Variants in PUM2 observed in about 807,000 individuals in gnomAD.
PUM2 encodes pumilio homolog 2.
A neutral mutation model predicts 124.5 loss-of-function variants in PUM2; 57 were observed. That is an observed-to-expected ratio of 0.46 (90% CI 0.37 to 0.57). The LOEUF (loss-of-function observed/expected upper bound fraction) is 0.57. Ranked by LOEUF, PUM2 falls within the 20% of genes least tolerant of loss-of-function variation. The probability of loss-of-function intolerance (pLI) is 0.00; values close to 1 mark genes in which losing one functional copy is unlikely to be tolerated. For synonymous variants in PUM2, 460 were observed against 446.1 expected, an observed-to-expected ratio of 1.03 and a Z score of -0.39; for missense variants, 1,065 against 1,290.6, an observed-to-expected ratio of 0.83 and a Z score of 2.68.
In PUM2 at chr2:20,275,775, G is replaced by A. The variant is rs76014876; in HGVS notation, c.1957+2808C>T. Among the ~76,000 whole-genome samples, 413 of 151,910 alleles carry A rather than the reference G, an allele frequency of 2.7e-3. 2 individuals carry two copies. Among genetic ancestry groups the A allele is most frequent in the African/African-American group, 9.4e-3 (389 of 41,470 alleles). On this transcript the variant is annotated intron_variant, in intron 13 of 20. Transcript: ENST00000361078. Reference sequence around the variant, plus strand: ...ACTACTATGGGGAAGCAATCAGCAAGGTCAAGAGTGTGGGAAAATAAATAG... The same window carrying A: ...ACTACTATGGGGAAGCAATCAGCAAAGTCAAGAGTGTGGGAAAATAAATAG...
At chr2:20,309,277 A>C (rs780258306) in intron 5 of PUM2, among the ~76,000 whole-genome samples, 1 of 152,080 alleles carries the variant, frequency 6.6e-6, no homozygotes, top group Non-Finnish European at 1.5e-5. Context: ...ATAAGAACAA[A>C]AGCAACTATT....
chr2:20,277,482 T>C (rs1670524910), intron 13 of PUM2, among the ~76,000 whole-genome samples: 1 of 152,110 alleles, frequency 6.6e-6, no homozygotes, highest in South Asian at 2.1e-4. Context: ...GGCCCAGAAT[T>C]TGGGGTGGAA....
chr2:20,252,462 G>A (rs1663663227), intron 20 of PUM2, among the ~76,000 whole-genome samples: 2 of 152,142 alleles, frequency 1.3e-5, no homozygotes, highest in Admixed American at 1.3e-4. Flanking sequence ...TTAAAAATCA[G>A]AAGACCAAAA....
intron 16 of PUM2, among the ~76,000 whole-genome samples, chr2:20,257,528 TTTC>T (rs1665104212): frequency 6.6e-6 from 1 of 152,166 alleles, no homozygotes; most frequent in African/African-American, 2.4e-5. Context: ...GGGCTATAAA[TTTC>T]TTATTAAAAG....
intron 1 of PUM2, among the ~76,000 whole-genome samples, chr2:20,346,075 G>A (rs147961052): frequency 6.6e-6 from 1 of 152,218 alleles, no homozygotes; most frequent in African/African-American, 2.4e-5. Flanking sequence ...ATATTAAGAC[G>A]AGGGCACCTA....
intron 16 of PUM2, among the ~76,000 whole-genome samples, chr2:20,257,105 G>GTT (rs1019515859): frequency 1.2e-4 from 17 of 140,234 alleles, no homozygotes; most frequent in African/African-American, 4.2e-4. Context: ...TTCATTAACT[G>GTT]TTTCAACAAA....
chr2:20,351,385 T>A (rs1230155620), upstream of PUM2, among the ~76,000 whole-genome samples: 2 of 152,206 alleles, frequency 1.3e-5, no homozygotes, highest in African/African-American at 2.4e-5. Flanking sequence ...GATTGTACCC[T>A]GCGAGAGGGC....
chr2:20,301,281 T>C (rs1676909371), intron 7 of PUM2, among the ~76,000 whole-genome samples: 2 of 152,242 alleles, frequency 1.3e-5, no homozygotes, highest in South Asian at 4.1e-4. Context: ...ACTTCATCTA[T>C]CATGAATTAT....
At position 20,326,702 on chromosome 2, in the gene PUM2, T is replaced by C. The variant is rs1165699661; in HGVS notation, c.51+608A>G. Among the ~76,000 whole-genome samples, 6 of 152,148 alleles carry C rather than the reference T, an allele frequency of 3.9e-5. No individual in the cohort carries two copies. In the South Asian group the frequency reaches 1.0e-3, roughly 26 times the overall value. On this transcript the variant is annotated intron_variant, in intron 2 of 20. Transcript: ENST00000361078. ...AGATTAACGAGAATGATAAAATCCA[T>C]TAAGAAATGCGAAGTGCCTACTATG...
At chr2:20,339,752 C>T (rs12473500) in intron 1 of PUM2, among the ~76,000 whole-genome samples, 40,905 of 151,976 alleles carry the variant, frequency 0.27, 5,983 homozygotes, top group Middle Eastern at 0.34. Context: ...TGGGGGCACA[C>T]GCCTGTAATC....
At chr2:20,258,036 T>C (rs1183908020) in intron 16 of PUM2, among the ~76,000 whole-genome samples, 2 of 152,164 alleles carry the variant, frequency 1.3e-5, no homozygotes, top group South Asian at 2.1e-4. Context: ...GCTTGCCACA[T>C]AGGTGCTAAA....
At chr2:20,260,521 T>TAAAAA in intron 14 of PUM2, 55 bp from the exon 15 acceptor site, 2 of 1,477,934 alleles carry the variant, frequency 1.4e-6, no homozygotes, top group Non-Finnish European at 1.9e-6. Context: ...ACTTGAGTAT[T>TAAAAA]ACACCCTACC....
chr2:20,307,862 G>C, intron 7 of PUM2, 116 bp downstream of exon 7: 1 of 1,338,028 alleles, frequency 7.5e-7, no homozygotes. Context: ...CCTATTACTT[G>C]TTGATCTCAG....
chr2:20,341,022 T>G (rs1392834447), intron 1 of PUM2, among the ~76,000 whole-genome samples: 2 of 152,184 alleles, frequency 1.3e-5, no homozygotes, highest in Non-Finnish European at 2.9e-5. Flanking sequence ...TAAAAATCAA[T>G]ATAAAATTCT....
At chr2:20,254,581 G>A (rs1485934450) in intron 19 of PUM2, among the ~76,000 whole-genome samples, 2 of 152,178 alleles carry the variant, frequency 1.3e-5, no homozygotes, top group Non-Finnish European at 2.9e-5. Context: ...CATTAAAGCT[G>A]TGAGGTTTTC....
chr2:20,320,913 A>T (rs1343418274), intron 2 of PUM2, among the ~76,000 whole-genome samples: 1 of 152,212 alleles, frequency 6.6e-6, no homozygotes, highest in Non-Finnish European at 1.5e-5. Flanking sequence ...TTCCTTAAAG[A>T]ATAAAGCAAT....
Position 20,311,581 on chromosome 2 carries a change from C to T in PUM2, c.431G>A (p.Arg144Lys), listed in dbSNP as rs758302291. ...ATCATCATCTCCTTGTTTAAGATCTCTGTTTTGGTCCTCCTCAAATGGAGA... is the reference window on the plus strand; with the variant it reads ...ATCATCATCTCCTTGTTTAAGATCTTTGTTTTGGTCCTCCTCAAATGGAGA... ...KASPFEEDQNRDLKQGDDDDS... is the reference protein window; with the variant it reads ...KASPFEEDQNKDLKQGDDDDS... The change falls in exon 5 of 21, where the codon AGA becomes AAA. Residue 144 changes from arginine to lysine, a missense_variant. This residue lies in a region of PUM2 where 968 missense variants were observed against 1,159.8 expected (regional missense o/e 0.83). Transcript: ENST00000361078. 2.5e-6 allele frequency: 4 copies of T among 1,613,494 alleles called. No individual in the cohort carries two copies. The highest frequency in any genetic ancestry group is 3.4e-6 in the Non-Finnish European group (4 of 1,179,612).
intron 7 of PUM2, among the ~76,000 whole-genome samples, chr2:20,303,653 A>C (rs1449690313): frequency 6.6e-6 from 1 of 152,128 alleles, no homozygotes. Flanking sequence ...AACTCATTCC[A>C]TAGCTTTTCA....
At chr2:20,286,758 T>G (rs1466180651) in intron 10 of PUM2, among the ~76,000 whole-genome samples, 2 of 152,208 alleles carry the variant, frequency 1.3e-5, no homozygotes, top group African/African-American at 4.8e-5. Context: ...ATTTCCAGCC[T>G]AATTTTCTAA....
Sources: gnomAD v4.1 joint callset for allele counts (sites outside exome capture counted in the v4.1 genomes callset) on GRCh38, gnomAD v4.1.1 for gene constraint, gnomAD v4.1.1 regional missense constraint, MANE v1.5 for transcripts, NCBI Gene and HGNC (gene_info 2026-07-23, HGNC 2026-07-21) for gene names.